The following TMC1 variants were observed in gnomAD, a reference collection of about 807,000 sequenced individuals.
TMC1 encodes the protein transmembrane channel like 1.
TMC1 carries 84 observed loss-of-function variants against 105.8 expected under a neutral mutation model. That is an observed-to-expected ratio of 0.79 (90% CI 0.67 to 0.95). TMC1 has a LOEUF of 0.95. TMC1 is among the 40% of genes least tolerant of loss of function. The probability of loss-of-function intolerance (pLI) is 0.00; values close to 1 mark genes in which losing one functional copy is unlikely to be tolerated. For synonymous variants in TMC1, 315 were observed against 311.5 expected (o/e 1.01, Z -0.12); for missense variants, 817 against 914.1 (o/e 0.89, Z 1.37).
intron 17 of TMC1, among the ~76,000 whole-genome samples, chr9:72,796,489 C>A (rs934789857): frequency 6.6e-6 from 1 of 152,128 alleles, no homozygotes; most frequent in African/African-American, 2.4e-5. Flanking sequence ...TACTTGCAAA[C>A]CGAATTCAGC....
At chr9:72,684,076 A>G (rs1826337247) in intron 5 of TMC1, among the ~76,000 whole-genome samples, 3 of 152,180 alleles carry the variant, frequency 2.0e-5, no homozygotes, top group Admixed American at 2.0e-4. Context: ...GGATAAACCA[A>G]AAGCAGAAAT....
intron 8 of TMC1, among the ~76,000 whole-genome samples, chr9:72,737,297 G>A (rs1440702133): frequency 6.6e-6 from 1 of 152,194 alleles, no homozygotes; most frequent in Non-Finnish European, 1.5e-5. Flanking sequence ...GTTAGAACAA[G>A]GTCACGGTTT....
intron 21 of TMC1, among the ~76,000 whole-genome samples, chr9:72,828,275 G>T (rs1828989958): frequency 6.6e-6 from 1 of 152,138 alleles, no homozygotes; most frequent in African/African-American, 2.4e-5. Context: ...CCTACTGAAT[G>T]CAGCATGTTT....
intron 13 of TMC1, among the ~76,000 whole-genome samples, chr9:72,785,503 A>G (rs1035977279): frequency 1.3e-5 from 2 of 152,198 alleles, no homozygotes; most frequent in African/African-American, 4.8e-5. Flanking sequence ...TAAAGGAAGC[A>G]CTTTAAGTCT....
intron 12 of TMC1, among the ~76,000 whole-genome samples, chr9:72,768,446 A>C (rs974373632): frequency 6.6e-6 from 1 of 152,206 alleles, no homozygotes; most frequent in Non-Finnish European, 1.5e-5. Flanking sequence ...CATTCTGCAC[A>C]TGTACCCCAG....
In TMC1 at chr9:72,567,252, G is replaced by A. The variant is rs138236882; in HGVS notation, c.-427-10650G>A. 2.7e-3 allele frequency among the ~76,000 whole-genome samples: 416 copies of A among 152,174 alleles called. 5 individuals are homozygous for A. The highest frequency in any genetic ancestry group is 9.6e-3 in the African/African-American group (398 of 41,502). ...ATTGGATCATGGTAGGGTTTATCAC[G>A]GTCTCGTATTTGTCTGCTTACTTGT... On this transcript the variant is annotated intron_variant, in intron 1 of 23. Transcript: ENST00000297784.
chr9:72,598,687 G>A (rs1237933938), intron 2 of TMC1, among the ~76,000 whole-genome samples: 1 of 152,150 alleles, frequency 6.6e-6, no homozygotes, highest in Non-Finnish European at 1.5e-5. Context: ...TAATTTCACA[G>A]TCTTTATCAG....
At chr9:72,698,330 A>G (rs1826586352) in intron 7 of TMC1, among the ~76,000 whole-genome samples, 2 of 152,240 alleles carry the variant, frequency 1.3e-5, no homozygotes, top group South Asian at 4.1e-4. Context: ...TCATAGCATG[A>G]TTAAAAACTA....
At chr9:72,696,102 T>G (rs1469261922) in intron 7 of TMC1, among the ~76,000 whole-genome samples, 2 of 152,174 alleles carry the variant, frequency 1.3e-5, no homozygotes, top group African/African-American at 4.8e-5. Context: ...AATTTGCTTT[T>G]CCTCTCTATT....
At chr9:72,701,201 A>G (rs898960920) in intron 8 of TMC1, among the ~76,000 whole-genome samples, 1 of 152,212 alleles carries the variant, frequency 6.6e-6, no homozygotes, top group Non-Finnish European at 1.5e-5. Flanking sequence ...TGCTAGGCCA[A>G]CAGAATAGTA....
intron 4 of TMC1, among the ~76,000 whole-genome samples, chr9:72,635,376 C>CT (rs1336426262): frequency 3.9e-5 from 6 of 152,158 alleles, no homozygotes; most frequent in Non-Finnish European, 8.8e-5. Context: ...AGTTCCAACT[C>CT]TAACCACATG....
At chr9:72,608,600 G>T (rs978688820) in intron 2 of TMC1, among the ~76,000 whole-genome samples, 1 of 151,880 alleles carries the variant, frequency 6.6e-6, no homozygotes, top group African/African-American at 2.4e-5. Flanking sequence ...CCAGCTACTC[G>T]GGAGGCTGAG....
intron 5 of TMC1, among the ~76,000 whole-genome samples, chr9:72,667,255 G>A (rs1826058056): frequency 6.6e-6 from 1 of 152,150 alleles, no homozygotes; most frequent in South Asian, 2.1e-4. Context: ...GGAAATTCCA[G>A]GTTGACTTTC....
chr9:72,648,563 T>C, intron 4 of TMC1, 34 bp from the exon 5 acceptor site: 1 of 1,269,652 alleles, frequency 7.9e-7, no homozygotes, highest in Non-Finnish European at 1.2e-6. Context: ...ATGTGCTAGA[T>C]CAAACCTGAA....
At chr9:72,543,618 A>G (rs1221310081) in intron 1 of TMC1, among the ~76,000 whole-genome samples, 2 of 152,134 alleles carry the variant, frequency 1.3e-5, no homozygotes, top group African/African-American at 4.8e-5. Flanking sequence ...CTCTGTCTCT[A>G]CTAAAAATAC....
At chr9:72,624,027 G>A (rs925908875) in intron 3 of TMC1, among the ~76,000 whole-genome samples, 4 of 152,144 alleles carry the variant, frequency 2.6e-5, no homozygotes, top group African/African-American at 9.7e-5. Flanking sequence ...GTAAGGACAC[G>A]TTGCTTTTCC....
At chr9:72,568,539 G>T (rs949391819) in intron 1 of TMC1, among the ~76,000 whole-genome samples, 1 of 152,200 alleles carries the variant, frequency 6.6e-6, no homozygotes, top group Non-Finnish European at 1.5e-5. Context: ...CAAAGGTGAA[G>T]AGAACATAGG....
chr9:72,792,389 A>G (rs1229001748), intron 17 of TMC1, 37 bp downstream of exon 17: 1 of 1,613,340 alleles, frequency 6.2e-7, no homozygotes, highest in South Asian at 1.1e-5. Flanking sequence ...CAATTAGTAG[A>G]TTAAAAAAAG....
intron 1 of TMC1, among the ~76,000 whole-genome samples, chr9:72,545,677 A>G (rs145311844): frequency 0.012 from 1,843 of 151,968 alleles, 43 homozygotes; most frequent in African/African-American, 0.042. Context: ...TAGTAGAGAT[A>G]GGGTTTCACC....
Sources: gnomAD v4.1 joint callset for allele counts (sites outside exome capture counted in the v4.1 genomes callset) on GRCh38, gnomAD v4.1.1 for gene constraint, MANE v1.5 for transcripts, NCBI Gene and HGNC (gene_info 2026-07-23, HGNC 2026-07-21) for gene names.